The following MAP2K6 variants were observed in gnomAD, a reference collection of about 807,000 sequenced individuals.
MAP2K6 encodes the protein dual specificity mitogen-activated protein kinase kinase 6.
A neutral mutation model predicts 53.7 loss-of-function variants in MAP2K6; 16 were observed. The observed-to-expected ratio is 0.30, with a 90% CI of 0.20 to 0.45. The LOEUF (loss-of-function observed/expected upper bound fraction) is 0.45. Among genes scored for constraint, MAP2K6 ranks in the 20% least tolerant of loss-of-function variants. MAP2K6 has a pLI of 1.00. For missense variants in MAP2K6, 204 were observed against 411.9 expected, an observed-to-expected ratio of 0.50 and a Z score of 4.37; for synonymous variants, 132 against 143.1, an observed-to-expected ratio of 0.92 and a Z score of 0.55.
rs143077638 is a variant in MAP2K6 at position 69,523,031 on chromosome 17, G to A, written c.536-483G>A. 2.3e-3 allele frequency among the ~76,000 whole-genome samples: 344 copies of A among 152,248 alleles called. 2 individuals are homozygous for A. The highest frequency in any genetic ancestry group is 7.7e-3 in the African/African-American group (318 of 41,556). On this transcript the variant is annotated intron_variant, in intron 7 of 11. Coordinates refer to ENST00000590474, the MANE Select transcript of MAP2K6 (RefSeq NM_002758.4). ...AGCTATGATCACACCACTGCACACC[G>A]GTTGAGTGACAGAGTAAGACCTTAT...
At chr17:69,512,698 G>A (rs1909920141) in intron 2 of MAP2K6, among the ~76,000 whole-genome samples, 1 of 152,120 alleles carries the variant, frequency 6.6e-6, no homozygotes, top group African/African-American at 2.4e-5. Flanking sequence ...TATTAATGAG[G>A]TATTATACCT....
intron 2 of MAP2K6, among the ~76,000 whole-genome samples, chr17:69,511,154 A>G (rs1909787169): frequency 6.6e-6 from 1 of 152,170 alleles, no homozygotes; most frequent in Non-Finnish European, 1.5e-5. Context: ...AAAGCAGTTT[A>G]TATTTTCCCT....
chr17:69,449,557 C>T (rs71375727), intron 1 of MAP2K6, among the ~76,000 whole-genome samples: 63 of 104,484 alleles, frequency 6.0e-4, no homozygotes, highest in Non-Finnish European at 7.5e-4. Context: ...TTCTTTCTTT[C>T]TTTATTTCTT....
At chr17:69,455,889 T>C (rs1444220598) in intron 1 of MAP2K6, among the ~76,000 whole-genome samples, 3 of 149,766 alleles carry the variant, frequency 2.0e-5, no homozygotes, top group Admixed American at 2.0e-4. Context: ...AGACAGAGTT[T>C]TGCTCTCGTT....
chr17:69,491,248 A>G (rs1888587132), intron 1 of MAP2K6, among the ~76,000 whole-genome samples: 1 of 151,932 alleles, frequency 6.6e-6, no homozygotes, highest in Non-Finnish European at 1.5e-5. Context: ...GGTTCAAGCA[A>G]TTCTCCTGCC....
At chr17:69,475,273 A>C (rs1053623950) in intron 1 of MAP2K6, among the ~76,000 whole-genome samples, 1 of 142,916 alleles carries the variant, frequency 7.0e-6, no homozygotes, top group East Asian at 2.1e-4. Flanking sequence ...GGTTCACGCC[A>C]TTCTCCTGCC....
chr17:69,475,174 T>G (rs1010273831), intron 1 of MAP2K6, among the ~76,000 whole-genome samples: 3 of 146,606 alleles, frequency 2.0e-5, no homozygotes, highest in Admixed American at 1.4e-4. Flanking sequence ...GTTTTTTTTT[T>G]TTTTTTTTTT....
chr17:69,522,079 A>G (rs1305956681), intron 7 of MAP2K6, among the ~76,000 whole-genome samples: 1 of 152,178 alleles, frequency 6.6e-6, no homozygotes, highest in Non-Finnish European at 1.5e-5. Flanking sequence ...GATTGTAGTC[A>G]GGGAAACTTC....
intron 1 of MAP2K6, among the ~76,000 whole-genome samples, chr17:69,452,389 T>C (rs1156954167): frequency 2.0e-5 from 3 of 152,120 alleles, no homozygotes; most frequent in Admixed American, 6.6e-5. Context: ...CTGCCTTGGA[T>C]GTCTGAGTAT....
chr17:69,457,412 G>T (rs1442409524), intron 1 of MAP2K6, among the ~76,000 whole-genome samples: 1 of 152,186 alleles, frequency 6.6e-6, no homozygotes, highest in African/African-American at 2.4e-5. Context: ...AATGAACATA[G>T]GAGCTCAAGT....
At chr17:69,462,379 G>A (rs778199835) in intron 1 of MAP2K6, among the ~76,000 whole-genome samples, 4 of 152,128 alleles carry the variant, frequency 2.6e-5, no homozygotes, top group Non-Finnish European at 5.9e-5. Flanking sequence ...AGAGAACACA[G>A]TGTGCTACTG....
At chr17:69,518,324 A>G (rs996871274) in intron 4 of MAP2K6, among the ~76,000 whole-genome samples, 4 of 152,188 alleles carry the variant, frequency 2.6e-5, no homozygotes, top group African/African-American at 9.7e-5. Flanking sequence ...CAGCATCCCA[A>G]TGAAAGTTTA....
intron 1 of MAP2K6, chr17:69,433,553 A>G (rs927416383): frequency 6.6e-5 from 10 of 152,228 alleles, no homozygotes; most frequent in Non-Finnish European, 1.5e-4. Flanking sequence ...CTATTTATTA[A>G]TTCCTTGGAC....
intron 1 of MAP2K6, among the ~76,000 whole-genome samples, chr17:69,505,208 A>G (rs1909400370): frequency 1.3e-5 from 2 of 151,820 alleles, no homozygotes; most frequent in Non-Finnish European, 2.9e-5. Context: ...TTGGGAGACC[A>G]AGGTCAGCGG....
rs1910399156 is a variant in MAP2K6 at position 69,520,334 on chromosome 17, T to C, written c.431T>C (p.Ile144Thr). 3 of 1,613,054 alleles carry C rather than the reference T, an allele frequency of 1.9e-6. No homozygotes were observed. Among genetic ancestry groups the C allele is most frequent in the African/African-American group, 2.7e-5 (2 of 75,000 alleles). The change falls in exon 6 of 12, where the codon ATT becomes ACT. Residue 144 changes from isoleucine (I) to threonine (T), a missense_variant. By Grantham distance (89) the Ile-to-Thr change is moderately conservative. Transcript: ENST00000590474. ...CTAGATAAATTCTACAAACAAGTTATTGATAAAGGCCAGACAATTCCAGAG... is the reference window on the plus strand; with the variant it reads ...CTAGATAAATTCTACAAACAAGTTACTGATAAAGGCCAGACAATTCCAGAG... The part of the protein sequence containing the change: ...TSLDKFYKQV[I>T]DKGQTIPEDI...
intron 1 of MAP2K6, among the ~76,000 whole-genome samples, chr17:69,469,539 G>A (rs566276650): frequency 8.7e-4 from 133 of 152,220 alleles, no homozygotes; most frequent in Non-Finnish European, 1.5e-3. Context: ...CGAGGTGGGC[G>A]GATCACGAGA....
intron 1 of MAP2K6, among the ~76,000 whole-genome samples, chr17:69,451,892 G>A (rs905108157): frequency 1.4e-4 from 21 of 152,148 alleles, no homozygotes; most frequent in Non-Finnish European, 2.8e-4. Flanking sequence ...TTCTGGTGGT[G>A]CACTCCAGCA....
At chr17:69,451,513 T>G (rs1907224442) in intron 1 of MAP2K6, among the ~76,000 whole-genome samples, 1 of 152,172 alleles carries the variant, frequency 6.6e-6, no homozygotes, top group Non-Finnish European at 1.5e-5. Flanking sequence ...CAGCTCTCTG[T>G]TTTTGGTCTT....
chr17:69,455,102 C>G lies in MAP2K6; in HGVS notation c.16+40102C>G, dbSNP rs558850192. On this transcript the variant is annotated intron_variant, in intron 1 of 11. Coordinates refer to ENST00000590474, the MANE Select transcript of MAP2K6 (RefSeq NM_002758.4). ...TTCTGAAGAATTTTCCAGCTAGGAGCAAACTATTTTTAATGCCTATTGCAA... is the reference window on the plus strand; with the variant it reads ...TTCTGAAGAATTTTCCAGCTAGGAGGAAACTATTTTTAATGCCTATTGCAA... Among the ~76,000 whole-genome samples the G allele has an allele frequency of 6.6e-5, 10 of 150,948 alleles. No homozygotes were observed. In the East Asian group the frequency reaches 1.6e-3, roughly 23 times the overall value.
Sources: allele counts gnomAD v4.1 joint callset (sites outside exome capture counted in the v4.1 genomes callset), GRCh38; gene constraint gnomAD v4.1.1; transcripts MANE v1.5; gene names NCBI Gene and HGNC (gene_info 2026-07-23, HGNC 2026-07-21).